SYT9: variants seen among roughly 807,000 people sequenced by gnomAD.
The protein encoded by SYT9 is synaptotagmin-9.
In SYT9, 22 loss-of-function variants were observed where a neutral mutation model predicts 48.4. The ratio of observed to expected loss-of-function variants is 0.45; its 90% CI spans 0.32 to 0.65. The LOEUF is 0.65. Among genes scored for constraint, SYT9 ranks in the 30% least tolerant of loss-of-function variants. The pLI is 0.03. For missense variants in SYT9, 577 were observed against 622.0 expected (o/e 0.93, Z 0.77); for synonymous variants, 265 against 245.0 (o/e 1.08, Z -0.76).
chr11:7,338,043 G>A (rs934078526), intron 3 of SYT9, among the ~76,000 whole-genome samples: 5 of 152,162 alleles, frequency 3.3e-5, no homozygotes, highest in African/African-American at 9.7e-5. Context: ...TTCAGAGCTT[G>A]TTACTGGCCT....
chr11:7,345,123 G>T (rs917834639), intron 3 of SYT9, among the ~76,000 whole-genome samples: 3 of 152,052 alleles, frequency 2.0e-5, no homozygotes, highest in African/African-American at 4.8e-5. Flanking sequence ...TCTAAGACAG[G>T]TCTCTCGAGC....
At chr11:7,308,444 A>G (rs7951808) in intron 2 of SYT9, among the ~76,000 whole-genome samples, 3,780 of 152,290 alleles carry the variant, frequency 0.025, 71 homozygotes, top group East Asian at 0.11. Flanking sequence ...TGGCTTGTAC[A>G]GAGCCTGGAC....
intron 6 of SYT9, among the ~76,000 whole-genome samples, chr11:7,452,786 A>G (rs566085864): frequency 9.2e-5 from 14 of 152,050 alleles, no homozygotes; most frequent in African/African-American, 3.1e-4. Context: ...AACCTAACCC[A>G]AACTCCTTTT....
chr11:7,274,419 C>T lies in SYT9; in HGVS notation c.145+22088C>T, dbSNP rs540156594. Among the ~76,000 whole-genome samples the T allele has an allele frequency of 1.0e-4, 15 of 150,566 alleles. No homozygotes were observed. In the South Asian group the frequency reaches 1.0e-3, roughly 11 times the overall value. Reference sequence around the variant, plus strand: ...TGCAACCTCTGCCTCCGGGTTCAAGCGATTCTCCTGCCTCAGCCTCCCGAG... The same window carrying T: ...TGCAACCTCTGCCTCCGGGTTCAAGTGATTCTCCTGCCTCAGCCTCCCGAG... On this transcript the variant is annotated intron_variant, in intron 1 of 6. Coordinates refer to ENST00000318881, the MANE Select transcript of SYT9 (RefSeq NM_175733.4).
chr11:7,372,971 C>T (rs1460243956), intron 3 of SYT9, among the ~76,000 whole-genome samples: 1 of 151,902 alleles, frequency 6.6e-6, no homozygotes, highest in Non-Finnish European at 1.5e-5. Context: ...GCTAAATATT[C>T]CCCAATATTT....
Position 7,289,299 on chromosome 11 carries a change from C to G in SYT9, c.146-13740C>G, listed in dbSNP as rs111364231. Among the ~76,000 whole-genome samples the G allele has an allele frequency of 3.6e-3, 546 of 152,146 alleles. 5 individuals carry two copies. Among genetic ancestry groups the G allele is most frequent in the African/African-American group, 0.013 (538 of 41,496 alleles). On this transcript the variant is annotated intron_variant, in intron 1 of 6. Coordinates refer to ENST00000318881, the MANE Select transcript of SYT9 (RefSeq NM_175733.4). ...GTTTATCATAGAAACAGAAAATAGA[C>G]CAGTGGTTACCAGGGTCTGGAGGAG...
chr11:7,352,972 A>T (rs1296895333), intron 3 of SYT9, among the ~76,000 whole-genome samples: 1 of 152,200 alleles, frequency 6.6e-6, no homozygotes, highest in Non-Finnish European at 1.5e-5. Context: ...TATTACACAC[A>T]TAATGTTAGA....
intron 3 of SYT9, among the ~76,000 whole-genome samples, chr11:7,377,768 A>G (rs1243166391): frequency 6.6e-6 from 1 of 152,116 alleles, no homozygotes; most frequent in Non-Finnish European, 1.5e-5. Flanking sequence ...TTCCCTCTTT[A>G]CTAGCCACTA....
At chr11:7,297,765 A>G (rs1243944253) in intron 1 of SYT9, among the ~76,000 whole-genome samples, 1 of 152,152 alleles carries the variant, frequency 6.6e-6, no homozygotes, top group African/African-American at 2.4e-5. Context: ...TTGAAAGATG[A>G]CTTTTTCAGC....
chr11:7,275,379 T>G (rs1202785572), intron 1 of SYT9, among the ~76,000 whole-genome samples: 2 of 152,186 alleles, frequency 1.3e-5, no homozygotes, highest in Non-Finnish European at 2.9e-5. Context: ...ACCTGCTAAT[T>G]GCTAATCCCA....
At chr11:7,336,763 C>T (rs1849637661) in intron 3 of SYT9, among the ~76,000 whole-genome samples, 1 of 151,752 alleles carries the variant, frequency 6.6e-6, no homozygotes, top group African/African-American at 2.4e-5. Context: ...AACAGGGTAA[C>T]ATGTTGAGGT....
intron 3 of SYT9, among the ~76,000 whole-genome samples, chr11:7,334,990 C>T (rs1195137366): frequency 6.6e-6 from 1 of 152,110 alleles, no homozygotes; most frequent in Admixed American, 6.5e-5. Context: ...ACATAATGAC[C>T]TAGGAATAGA....
At chr11:7,253,030 C>T (rs1847903694) in intron 1 of SYT9, among the ~76,000 whole-genome samples, 2 of 152,236 alleles carry the variant, frequency 1.3e-5, no homozygotes, top group South Asian at 2.1e-4. Context: ...CCTGTAGTTA[C>T]TCCTAGTGAA....
chr11:7,300,773 G>T (rs1191954416), intron 1 of SYT9, among the ~76,000 whole-genome samples: 2 of 152,110 alleles, frequency 1.3e-5, no homozygotes, highest in Non-Finnish European at 2.9e-5. Context: ...CCTCCTTCGT[G>T]GTCCCCCAGC....
intron 3 of SYT9, among the ~76,000 whole-genome samples, chr11:7,386,737 T>TGGCG (rs1048511696): frequency 6.6e-6 from 1 of 152,228 alleles, no homozygotes; most frequent in African/African-American, 2.4e-5. Context: ...GAAGTCAGTG[T>TGGCG]GGCGATTCCT....
intron 1 of SYT9, among the ~76,000 whole-genome samples, chr11:7,288,968 G>A (rs747565353): frequency 1.3e-5 from 2 of 152,190 alleles, no homozygotes; most frequent in African/African-American, 2.4e-5. Flanking sequence ...AATGCTGCTT[G>A]GACCCCTGGT....
intron 3 of SYT9, among the ~76,000 whole-genome samples, chr11:7,322,426 C>A (rs1849353763): frequency 6.6e-6 from 1 of 152,180 alleles, no homozygotes; most frequent in African/African-American, 2.4e-5. Context: ...AGTCTGGATA[C>A]CACTAGGGTC....
intron 3 of SYT9, among the ~76,000 whole-genome samples, chr11:7,332,213 G>A (rs1316902804): frequency 6.6e-6 from 1 of 152,210 alleles, no homozygotes; most frequent in Non-Finnish European, 1.5e-5. Context: ...TCTGGAGCGT[G>A]AAGAGCACCA....
intron 1 of SYT9, among the ~76,000 whole-genome samples, chr11:7,285,479 G>T (rs1848579488): frequency 6.6e-6 from 1 of 152,150 alleles, no homozygotes; most frequent in Non-Finnish European, 1.5e-5. Flanking sequence ...GACACATGGG[G>T]ATTATGGGAA....
Sources: allele counts gnomAD v4.1 joint callset (sites outside exome capture counted in the v4.1 genomes callset), GRCh38; gene constraint gnomAD v4.1.1; transcripts MANE v1.5; gene names NCBI Gene and HGNC (gene_info 2026-07-23, HGNC 2026-07-21).